The following FIG4 variants were observed in gnomAD, a reference collection of about 807,000 sequenced individuals.
FIG4 encodes the protein FIG4 phosphoinositide 5-phosphatase, also known as polyphosphoinositide phosphatase.
In FIG4, 112 loss-of-function variants were observed where a neutral mutation model predicts 118.6. The observed-to-expected ratio is 0.94, with a 90% CI of 0.81 to 1.11. FIG4 has a LOEUF of 1.11. Among genes scored for constraint, FIG4 ranks in the 50% least tolerant of loss-of-function variants. The probability of loss-of-function intolerance (pLI) is 0.00; values close to 1 mark genes in which losing one functional copy is unlikely to be tolerated. For missense variants in FIG4, 969 were observed against 1,111.7 expected (o/e 0.87, Z 1.83); for synonymous variants, 369 against 381.2 (o/e 0.97, Z 0.37).
At chr6:109,800,624 T>G (rs756025979) in intron 22 of FIG4, among the ~76,000 whole-genome samples, 1 of 151,942 alleles carries the variant, frequency 6.6e-6, no homozygotes, top group Non-Finnish European at 1.5e-5. Flanking sequence ...AGTAAATATT[T>G]ACTGAAATGC....
chr6:109,813,556 T>C (rs1393463306), intron 22 of FIG4, among the ~76,000 whole-genome samples: 2 of 152,252 alleles, frequency 1.3e-5, no homozygotes, highest in Non-Finnish European at 2.9e-5. Context: ...AGTTATTTTA[T>C]AGAATAGGCA....
intron 15 of FIG4, among the ~76,000 whole-genome samples, chr6:109,772,735 G>A (rs756077805): frequency 1.8e-4 from 27 of 152,242 alleles, no homozygotes; most frequent in Non-Finnish European, 2.6e-4. Flanking sequence ...TTACAGGTGT[G>A]AGCCACCATG....
At chr6:109,815,517 T>G (rs1305521238) in intron 22 of FIG4, among the ~76,000 whole-genome samples, 1 of 54,636 alleles carries the variant, frequency 1.8e-5, no homozygotes, top group Admixed American at 2.3e-4. Flanking sequence ...CCCCCGTTAA[T>G]GAGAGTGCCC....
chr6:109,774,351 C>CGA (rs1777556224), intron 15 of FIG4, among the ~76,000 whole-genome samples: 1 of 152,124 alleles, frequency 6.6e-6, no homozygotes, highest in African/African-American at 2.4e-5. Context: ...CTATGGTACT[C>CGA]TATCTTTGAG....
chr6:109,691,590 T>C, intron 1 of FIG4, 89 bp downstream of exon 1: 1 of 1,089,482 alleles, frequency 9.2e-7, no homozygotes, highest in Non-Finnish European at 1.4e-6. Context: ...GTACTCTGCC[T>C]CCTCCTCCTT....
chr6:109,750,872 T>G (rs1776673817), intron 10 of FIG4, among the ~76,000 whole-genome samples: 2 of 152,150 alleles, frequency 1.3e-5, no homozygotes, highest in African/African-American at 4.8e-5. Flanking sequence ...CAAAAAGATT[T>G]TGTTTCCCTA....
At chr6:109,697,851 T>C (rs1478605549) in intron 1 of FIG4, among the ~76,000 whole-genome samples, 1 of 151,954 alleles carries the variant, frequency 6.6e-6, no homozygotes, top group Non-Finnish European at 1.5e-5. Context: ...GTTGACTGAA[T>C]AAATGTGGAT....
intron 15 of FIG4, among the ~76,000 whole-genome samples, chr6:109,774,923 A>G (rs1440964036): frequency 1.3e-5 from 2 of 152,122 alleles, no homozygotes; most frequent in Non-Finnish European, 2.9e-5. Context: ...AGGACACTGT[A>G]TCATAAACTT....
At chr6:109,768,147 C>T (rs1459345356) in intron 15 of FIG4, among the ~76,000 whole-genome samples, 1 of 152,116 alleles carries the variant, frequency 6.6e-6, no homozygotes, top group Non-Finnish European at 1.5e-5. Context: ...GGATGTGGGC[C>T]TCGTGGAGGA....
intron 10 of FIG4, among the ~76,000 whole-genome samples, chr6:109,756,683 A>G (rs1489276397): frequency 2.0e-5 from 3 of 151,852 alleles, no homozygotes; most frequent in African/African-American, 4.8e-5. Flanking sequence ...CATTTCATTC[A>G]TTTCATCTTC....
intron 18 of FIG4, among the ~76,000 whole-genome samples, chr6:109,789,138 T>A (rs1478010283): frequency 6.6e-6 from 1 of 152,242 alleles, no homozygotes; most frequent in East Asian, 1.9e-4. Context: ...AACAGCTTAG[T>A]GTTTTGTCAT....
chr6:109,767,397 C>T (rs942135643), intron 15 of FIG4, among the ~76,000 whole-genome samples: 1 of 152,120 alleles, frequency 6.6e-6, no homozygotes, highest in African/African-American at 2.4e-5. Context: ...TGGTGCTTTT[C>T]CTGCCTCCAT....
chr6:109,746,422 A>C (rs1428059253), intron 10 of FIG4, among the ~76,000 whole-genome samples: 1 of 152,146 alleles, frequency 6.6e-6, no homozygotes, highest in African/African-American at 2.4e-5. Context: ...ATGAGTTAGC[A>C]TCAGCCTGAA....
intron 17 of FIG4, chr6:109,785,533 AG>A (rs1206162428): frequency 1.3e-5 from 4 of 310,984 alleles, no homozygotes; most frequent in Admixed American, 3.8e-5. Flanking sequence ...TCTATATTAA[AG>A]GAAAACCTTC....
chr6:109,715,256 A>G, intron 2 of FIG4, 80 bp downstream of exon 2: 1 of 720,608 alleles, frequency 1.4e-6, no homozygotes, highest in Non-Finnish European at 2.5e-6. Flanking sequence ...TACAGTTTTT[A>G]GTGATATATT....
chr6:109,792,105 T>C (rs1446610388), intron 20 of FIG4, among the ~76,000 whole-genome samples: 1 of 152,260 alleles, frequency 6.6e-6, no homozygotes, highest in Non-Finnish European at 1.5e-5. Context: ...GCTAAATCCA[T>C]GTTCCAGAAG....
In FIG4 at chr6:109,704,702, G is replaced by A. The variant is rs115893788; in HGVS notation, c.67-10376G>A. On this transcript the variant is annotated intron_variant, in intron 1 of 22. Coordinates refer to ENST00000230124, the MANE Select transcript of FIG4 (RefSeq NM_014845.6). ...AAAAAAAAAAAAAAAAAAAAAAGTA[G>A]GCTCTTTAAAAATGGGGAAGTCATG... Among the ~76,000 whole-genome samples, 920 of 148,138 alleles carry A rather than the reference G, an allele frequency of 6.2e-3. 12 individuals are homozygous for A. The highest frequency in any genetic ancestry group is 0.022 in the African/African-American group (891 of 40,238).
At chr6:109,775,405 A>G (rs1375728367) in intron 15 of FIG4, among the ~76,000 whole-genome samples, 1 of 152,172 alleles carries the variant, frequency 6.6e-6, no homozygotes, top group African/African-American at 2.4e-5. Flanking sequence ...TGTTTCTCAC[A>G]TCTTACATTT....
In FIG4 at chr6:109,815,383, C is replaced by T. The variant is rs546920461; in HGVS notation, c.2547-9705C>T. Among the ~76,000 whole-genome samples, 133 of 151,924 alleles carry T rather than the reference C, an allele frequency of 8.8e-4. 1 individual carries two copies. Among genetic ancestry groups the T allele is most frequent in the East Asian group, 7.8e-4 (4 of 5,124 alleles). Reference sequence around the variant, plus strand: ...GGCTCTGACATACTTCCTCCGGCTGCGTCCACATGCATGCTCTCCTCTCCC... The same window carrying T: ...GGCTCTGACATACTTCCTCCGGCTGTGTCCACATGCATGCTCTCCTCTCCC... On this transcript the variant is annotated intron_variant, in intron 22 of 22. Transcript: ENST00000230124.
Sources: allele counts gnomAD v4.1 joint callset (sites outside exome capture counted in the v4.1 genomes callset), GRCh38; gene constraint gnomAD v4.1.1; transcripts MANE v1.5; gene names NCBI Gene and HGNC (gene_info 2026-07-23, HGNC 2026-07-21).